Variants in ASIP observed in about 807,000 individuals in gnomAD.
The protein encoded by ASIP is agouti-signaling protein.
A neutral mutation model predicts 10.3 loss-of-function variants in ASIP; 11 were observed. The ratio of observed to expected loss-of-function variants is 1.07; its 90% CI spans 0.68 to 1.78. ASIP has a LOEUF of 1.78. Among genes scored for constraint, ASIP ranks in the 40% most tolerant of loss-of-function variants. ASIP has a pLI of 0.00. For synonymous variants in ASIP, 70 were observed against 70.8 expected (o/e 0.99, Z 0.06); for missense variants, 180 against 169.2 (o/e 1.06, Z -0.35).
At chr20:34,258,325 A>G (rs1271317191) in intron 1 of ASIP, among the ~76,000 whole-genome samples, 1 of 150,218 alleles carries the variant, frequency 6.7e-6, no homozygotes, top group African/African-American at 2.5e-5. Context: ...TGTGGAACAC[A>G]TAGGGTCTCC....
chr20:34,249,180 A>T (rs1413059360), intron 1 of ASIP, among the ~76,000 whole-genome samples: 1 of 152,140 alleles, frequency 6.6e-6, no homozygotes, highest in African/African-American at 2.4e-5. Flanking sequence ...GTGAAGAAAA[A>T]GTTATCCATA....
intron 1 of ASIP, among the ~76,000 whole-genome samples, chr20:34,220,926 A>G (rs2035042165): frequency 7.7e-6 from 1 of 129,854 alleles, no homozygotes; most frequent in African/African-American, 2.9e-5. Context: ...TGTTGTGTGG[A>G]TGTTTTTCTT....
chr20:34,208,013 G>A (rs536347895), intron 1 of ASIP, among the ~76,000 whole-genome samples: 172 of 152,002 alleles, frequency 1.1e-3, no homozygotes, highest in Non-Finnish European at 2.1e-3. Flanking sequence ...TCCTGACCTC[G>A]TGATCCACCC....
At chr20:34,204,298 G>A (rs762427044) in intron 1 of ASIP, among the ~76,000 whole-genome samples, 3 of 150,608 alleles carry the variant, frequency 2.0e-5, no homozygotes, top group Admixed American at 6.7e-5. Flanking sequence ...TTGGCTCGCC[G>A]CAACCTCCGC....
chr20:34,246,660 G>A, intron 1 of ASIP: 4 of 510,716 alleles, frequency 7.8e-6, no homozygotes, highest in Non-Finnish European at 1.1e-5. Context: ...GTTTCGCCAT[G>A]TTGCCCAGGC....
At chr20:34,256,201 C>T (rs2035565552) in intron 1 of ASIP, among the ~76,000 whole-genome samples, 1 of 152,238 alleles carries the variant, frequency 6.6e-6, no homozygotes, top group African/African-American at 2.4e-5. Flanking sequence ...CTGGTGGACA[C>T]GTGACTTGTG....
chr20:34,233,720 G>C (rs949870521), intron 1 of ASIP, among the ~76,000 whole-genome samples: 3 of 152,150 alleles, frequency 2.0e-5, no homozygotes, highest in Non-Finnish European at 2.9e-5. Flanking sequence ...AAAAAATGCA[G>C]TATTATCACC....
chr20:34,221,334 C>A (rs1321744001), intron 1 of ASIP, among the ~76,000 whole-genome samples: 1 of 151,430 alleles, frequency 6.6e-6, no homozygotes, highest in Non-Finnish European at 1.5e-5. Context: ...GCCGAGATCG[C>A]GCCACTGCAC....
At chr20:34,210,485 G>A (rs2034967432) in intron 1 of ASIP, among the ~76,000 whole-genome samples, 1 of 152,240 alleles carries the variant, frequency 6.6e-6, no homozygotes, top group Admixed American at 6.5e-5. Context: ...ATGCTTGACT[G>A]TGCGCAGTGG....
intron 1 of ASIP, among the ~76,000 whole-genome samples, chr20:34,217,756 G>A (rs575256674): frequency 9.6e-4 from 146 of 152,206 alleles, no homozygotes; most frequent in African/African-American, 3.3e-3. Context: ...TAGAGACGGG[G>A]TTTCACCGTG....
chr20:34,223,694 G>A (rs1406655896), intron 1 of ASIP, among the ~76,000 whole-genome samples: 5 of 145,438 alleles, frequency 3.4e-5, no homozygotes, highest in East Asian at 2.1e-4. Flanking sequence ...CCCTCTGCCC[G>A]GCCACCACCC....
chr20:34,267,786 C>T (rs1051897628), intron 3 of ASIP, among the ~76,000 whole-genome samples: 14 of 151,650 alleles, frequency 9.2e-5, no homozygotes, highest in Admixed American at 9.2e-4. Context: ...CTGCCTAGGC[C>T]TCCCAAAGTG....
At chr20:34,196,021 TA>T (rs1322020919) in intron 1 of ASIP, among the ~76,000 whole-genome samples, 1 of 151,940 alleles carries the variant, frequency 6.6e-6, no homozygotes, top group Admixed American at 6.6e-5. Context: ...TTGGTTCCAC[TA>T]TGAGTGTTTC....
intron 2 of ASIP, among the ~76,000 whole-genome samples, chr20:34,261,659 G>A (rs996815361): frequency 5.3e-5 from 8 of 150,600 alleles, no homozygotes; most frequent in African/African-American, 7.3e-5. Context: ...AAAACTAGCC[G>A]GGAATGGTGG....
At position 34,260,495 on chromosome 20, in the gene ASIP, T is replaced by C. The variant is rs762315043; in HGVS notation, c.121T>C (p.Ser41Pro). The change falls in exon 2 of 4, where the codon TCT (serine) becomes CCT (proline). Residue 41 changes from serine to proline, a missense_variant. Ser to Pro is a moderately conservative substitution (Grantham distance 74). Coordinates refer to ENST00000374954, the MANE Select transcript of ASIP (RefSeq NM_001672.3). ...RDDRSLRSNS[S>P]VNLLDVPSVS... Reference sequence around the variant, plus strand: ...TGACAGGAGCCTGAGAAGCAACTCCTCTGTGAACCTACTGGATGTCCCTTC... The same window carrying C: ...TGACAGGAGCCTGAGAAGCAACTCCCCTGTGAACCTACTGGATGTCCCTTC... The C allele has an allele frequency of 6.8e-6, 11 of 1,613,818 alleles. No homozygotes were observed. The East Asian group carries it at 1.3e-4, about 20-fold the overall frequency.
At chr20:34,252,764 G>A (rs555451285) in intron 1 of ASIP, among the ~76,000 whole-genome samples, 2 of 152,258 alleles carry the variant, frequency 1.3e-5, no homozygotes, top group East Asian at 3.9e-4. Context: ...CTGTCTCAGT[G>A]GGGGGAAACC....
upstream of ASIP, among the ~76,000 whole-genome samples, chr20:34,239,396 T>C (rs1233210057): frequency 6.6e-6 from 1 of 152,186 alleles, no homozygotes; most frequent in Admixed American, 6.5e-5. Context: ...TTTGTATTTT[T>C]AGTAGAGACG....
chr20:34,215,735 T>C, intron 1 of ASIP: 1 of 1,467,268 alleles, frequency 6.8e-7, no homozygotes, highest in Non-Finnish European at 9.5e-7. Context: ...GCAGAAAAAC[T>C]TTACATGATC....
chr20:34,249,550 T>C (rs879489616), intron 1 of ASIP, among the ~76,000 whole-genome samples: 2 of 152,216 alleles, frequency 1.3e-5, no homozygotes, highest in Non-Finnish European at 2.9e-5. Flanking sequence ...GCAGCTTGTG[T>C]AGCTGCACCA....
Sources: gnomAD v4.1 joint callset for allele counts (sites outside exome capture counted in the v4.1 genomes callset) on GRCh38, gnomAD v4.1.1 for gene constraint, MANE v1.5 for transcripts, NCBI Gene and HGNC (gene_info 2026-07-23, HGNC 2026-07-21) for gene names.